TENM3: variants seen among roughly 807,000 people sequenced by gnomAD.
TENM3 encodes teneurin-3.
Under a neutral mutation model 255.1 loss-of-function variants are expected in TENM3, and 63 were observed. The observed-to-expected ratio is 0.25, with a 90% CI of 0.20 to 0.30. The LOEUF (loss-of-function observed/expected upper bound fraction) is 0.30, where lower values mean the gene tolerates loss of function less well. Ranked by LOEUF, TENM3 falls within the 10% of genes least tolerant of loss-of-function variation. The pLI is 1.00. For missense variants in TENM3, 2,929 were observed against 3,461.1 expected, an observed-to-expected ratio of 0.85 and a Z score of 3.86; for synonymous variants, 1,306 against 1,322.3, an observed-to-expected ratio of 0.99 and a Z score of 0.27.
At chr4:182,301,014 T>G (rs73869917) in intron 1 of TENM3, among the ~76,000 whole-genome samples, 1 of 152,176 alleles carries the variant, frequency 6.6e-6, no homozygotes, top group African/African-American at 2.4e-5. Context: ...TTTAAAGCTC[T>G]CCTTTAAAAA....
intron 3 of TENM3, among the ~76,000 whole-genome samples, chr4:182,467,308 G>A (rs1237433188): frequency 3.9e-5 from 5 of 126,914 alleles, no homozygotes; most frequent in African/African-American, 1.3e-4. Context: ...AATGATATAA[G>A]TGAACTTTAT....
At chr4:181,865,348 T>C in the TENM3 span, among the ~76,000 whole-genome samples, 1 of 152,200 alleles carries the variant, frequency 6.6e-6, no homozygotes, top group Non-Finnish European at 1.5e-5. Context: ...ATATGACTGA[T>C]AGCTAATTTT....
rs1740816257 is a variant in TENM3, at chr4:182,540,854, A to G, written c.512-60070A>G. The stretch of plus-strand genomic sequence containing the variant: ...TAACAGAGCTCCTAACGAAGGAACT[A>G]ACCTAGTTAGGAGGATCAGGGAGGA... On this transcript the variant is annotated intron_variant, in intron 3 of 27. Coordinates refer to ENST00000511685, the MANE Select transcript of TENM3 (RefSeq NM_001080477.4). Among the ~76,000 whole-genome samples, 5 of 152,340 alleles carry G rather than the reference A, an allele frequency of 3.3e-5. No homozygotes were observed. The South Asian group carries it at 1.0e-3, about 32-fold the overall frequency.
At chr4:182,569,490 G>A (rs192940530) in intron 3 of TENM3, among the ~76,000 whole-genome samples, 4 of 151,704 alleles carry the variant, frequency 2.6e-5, no homozygotes, top group African/African-American at 4.8e-5. Context: ...GGAGGCGGAG[G>A]TTGCAGCAAG....
chr4:182,315,793 CT>C (rs1762720753), intron 1 of TENM3, among the ~76,000 whole-genome samples: 1 of 152,060 alleles, frequency 6.6e-6, no homozygotes, highest in South Asian at 2.1e-4. Flanking sequence ...TCCACCCATT[CT>C]TTTTCTGTGC....
chr4:182,548,031 A>G (rs966492804), intron 3 of TENM3, among the ~76,000 whole-genome samples: 6 of 152,068 alleles, frequency 3.9e-5, no homozygotes, highest in Admixed American at 6.5e-5. Context: ...CAGCCTGGAC[A>G]ACAAAGTGAG....
chr4:182,347,110 T>C (rs1270805899), intron 3 of TENM3, among the ~76,000 whole-genome samples, 181 bp downstream of exon 3: 7 of 151,584 alleles, frequency 4.6e-5, no homozygotes. Flanking sequence ...GAATAATGCA[T>C]TTTTTCCTGG....
chr4:181,913,688 C>G, the TENM3 span, among the ~76,000 whole-genome samples: 1 of 151,980 alleles, frequency 6.6e-6, no homozygotes, highest in Non-Finnish European at 1.5e-5. Context: ...TTTACTGAAA[C>G]TAGGGGCAAG....
intron 18 of TENM3, 60 bp from the exon 19 acceptor site, chr4:182,743,110 T>C: frequency 6.6e-7 from 1 of 1,516,964 alleles, no homozygotes; most frequent in Non-Finnish European, 8.9e-7. Flanking sequence ...ATGAACATGT[T>C]TGCTTTTCAT....
intron 3 of TENM3, among the ~76,000 whole-genome samples, chr4:182,415,424 T>A (rs1325411404): frequency 6.6e-6 from 1 of 152,304 alleles, no homozygotes; most frequent in South Asian, 2.1e-4. Context: ...TGCTCTGAAA[T>A]TGGAAAGAGG....
intron 1 of TENM3, among the ~76,000 whole-genome samples, chr4:182,186,822 C>A: frequency 1.2e-5 from 1 of 86,012 alleles, no homozygotes; most frequent in South Asian, 4.3e-4. Flanking sequence ...TATGGTCCTA[C>A]CCTGTTGAAT....
intron 3 of TENM3, among the ~76,000 whole-genome samples, chr4:182,365,965 C>G (rs930715880): frequency 2.6e-5 from 4 of 152,056 alleles, no homozygotes; most frequent in Admixed American, 2.0e-4. Context: ...AGAAAAGATA[C>G]AATAAAAGCA....
chr4:181,454,596 A>AT, the TENM3 span, among the ~76,000 whole-genome samples: 25,123 of 131,222 alleles, frequency 0.19, 2,939 homozygotes, highest in African/African-American at 0.36. Context: ...CAGACGTACA[A>AT]TTTTTTTTTT....
chr4:182,060,654 T>C, the TENM3 span, among the ~76,000 whole-genome samples: 8 of 152,106 alleles, frequency 5.3e-5, no homozygotes, highest in Non-Finnish European at 1.0e-4. Flanking sequence ...TAAACAGATT[T>C]TCTATAGCAA....
chr4:182,660,069 T>C (rs964789942), intron 6 of TENM3, among the ~76,000 whole-genome samples: 33 of 148,192 alleles, frequency 2.2e-4, no homozygotes, highest in African/African-American at 7.8e-4. Flanking sequence ...AATGCAAATA[T>C]ACAAAGGTGT....
intron 1 of TENM3, among the ~76,000 whole-genome samples, chr4:182,206,096 A>G (rs796532403): frequency 2.6e-5 from 4 of 152,140 alleles, no homozygotes; most frequent in Admixed American, 2.0e-4. Flanking sequence ...CAGATATAAT[A>G]GGATGATTGC....
At chr4:182,542,510 A>G (rs1740982809) in intron 3 of TENM3, among the ~76,000 whole-genome samples, 1 of 152,070 alleles carries the variant, frequency 6.6e-6, no homozygotes, top group Non-Finnish European at 1.5e-5. Context: ...CAAGGCAGGC[A>G]GGTTTCTTTG....
At chr4:182,758,722 A>G (rs574661501) in intron 22 of TENM3, among the ~76,000 whole-genome samples, 107 of 152,256 alleles carry the variant, frequency 7.0e-4, no homozygotes, top group African/African-American at 2.4e-3. Flanking sequence ...GTTCACAAAG[A>G]AGGGATTTGA....
At chr4:182,758,599 G>A (rs1762900983) in intron 22 of TENM3, among the ~76,000 whole-genome samples, 1 of 152,072 alleles carries the variant, frequency 6.6e-6, no homozygotes, top group African/African-American at 2.4e-5. Context: ...TGTAGTTATT[G>A]GTGAACTGGC....
Sources: allele counts gnomAD v4.1 joint callset (sites outside exome capture counted in the v4.1 genomes callset), GRCh38; gene constraint gnomAD v4.1.1; transcripts MANE v1.5; gene names NCBI Gene and HGNC (gene_info 2026-07-23, HGNC 2026-07-21).